MMP28: variants seen among roughly 807,000 people sequenced by gnomAD.
MMP28 encodes the protein matrix metalloproteinase-28.
A neutral mutation model predicts 60.5 loss-of-function variants in MMP28; 55 were observed. The observed-to-expected ratio is 0.91, with a 90% confidence interval of 0.73 to 1.14. The LOEUF is 1.14. Among genes scored for constraint, MMP28 ranks in the 50% most tolerant of loss-of-function variants. The pLI, the probability that MMP28 is intolerant of heterozygous loss-of-function variation, is 0.00. For synonymous variants in MMP28, 318 were observed against 312.5 expected, an observed-to-expected ratio of 1.02 and a Z score of -0.18; for missense variants, 686 against 738.3, an observed-to-expected ratio of 0.93 and a Z score of 0.82.
chr17:35,780,102 CTT>C (rs1169609575), intron 1 of MMP28, among the ~76,000 whole-genome samples: 1 of 151,738 alleles, frequency 6.6e-6, no homozygotes, highest in Admixed American at 6.6e-5. Context: ...GAGTTTTGCT[CTT>C]GTTGCCCAGG....
At chr17:35,756,919 C>T (rs868987960) in intron 2 of MMP28, among the ~76,000 whole-genome samples, 5 of 151,828 alleles carry the variant, frequency 3.3e-5, no homozygotes, top group Non-Finnish European at 7.4e-5. Context: ...AAGACTGGGC[C>T]GGACACAGTG....
chr17:35,763,967 G>T, downstream of MMP28: 4 of 1,394,052 alleles, frequency 2.9e-6, no homozygotes, highest in Non-Finnish European at 3.7e-6. Flanking sequence ...ACCCTTTCTC[G>T]GGGACAGCAG....
chr17:35,768,796 C>T (rs1255974364), intron 5 of MMP28, among the ~76,000 whole-genome samples: 1 of 151,740 alleles, frequency 6.6e-6, no homozygotes, highest in Non-Finnish European at 1.5e-5. Flanking sequence ...GGTGACAGAG[C>T]GAGACTCCGT....
chr17:35,770,172 T>G lies in MMP28; in HGVS notation c.745A>C (p.Thr249Pro), dbSNP rs2143238411. The G allele has an allele frequency of 6.2e-7, 1 of 1,606,512 alleles. No homozygotes were observed. Among genetic ancestry groups the G allele is most frequent in the Non-Finnish European group, 8.5e-7 (1 of 1,178,228 alleles). Residue 249 changes from threonine (T) to proline (P), a missense_variant, in exon 5 of 8, where the codon ACC (threonine) becomes CCC (proline). Thr to Pro is a conservative substitution (Grantham distance 38). Transcript: ENST00000605424. Reference sequence around the variant, plus strand: ...AGCGCGCGCGGCGCGGGCGAGTGGGTGAGGCCAAGCGTGTGACCGATCTCG... The same window carrying G: ...AGCGCGCGCGGCGCGGGCGAGTGGGGGAGGCCAAGCGTGTGACCGATCTCG... ...AHEIGHTLGL[T>P]HSPAPRALMA...
chr17:35,759,187 C>T (rs980768591), intron 2 of MMP28, among the ~76,000 whole-genome samples: 5 of 152,148 alleles, frequency 3.3e-5, no homozygotes, highest in Admixed American at 2.0e-4. Flanking sequence ...TTTAAATCAA[C>T]CAGAGTGTGC....
At chr17:35,758,548 C>G (rs587646018) in intron 2 of MMP28, among the ~76,000 whole-genome samples, 4 of 152,040 alleles carry the variant, frequency 2.6e-5, no homozygotes, top group African/African-American at 9.7e-5. Context: ...AAAAATTAGC[C>G]GGACATGGTG....
intron 1 of MMP28, among the ~76,000 whole-genome samples, chr17:35,794,231 T>A (rs1452734060): frequency 6.6e-6 from 1 of 151,088 alleles, no homozygotes; most frequent in Non-Finnish European, 1.5e-5. Flanking sequence ...GATACTGTTG[T>A]GTTATTACAA....
chr17:35,782,515 G>T (rs2086536265), intron 1 of MMP28, among the ~76,000 whole-genome samples: 1 of 152,174 alleles, frequency 6.6e-6, no homozygotes, highest in Non-Finnish European at 1.5e-5. Flanking sequence ...TTCATTTTCA[G>T]CAACCTCCAC....
At chr17:35,790,786 G>A (rs898203628) in intron 1 of MMP28, among the ~76,000 whole-genome samples, 13 of 152,006 alleles carry the variant, frequency 8.6e-5, no homozygotes, top group African/African-American at 1.2e-4. Flanking sequence ...TCAGGAGTTC[G>A]AAACCAGCCT....
chr17:35,788,760 A>G (rs956473486), intron 1 of MMP28, among the ~76,000 whole-genome samples: 1 of 152,100 alleles, frequency 6.6e-6, no homozygotes, highest in South Asian at 2.1e-4. Flanking sequence ...TAGCTAGACC[A>G]CCCAGTGGAA....
downstream of MMP28, among the ~76,000 whole-genome samples, chr17:35,765,491 C>T (rs1222082519): frequency 1.3e-5 from 2 of 152,206 alleles, no homozygotes; most frequent in Non-Finnish European, 1.5e-5. Flanking sequence ...TATTCTTGGC[C>T]AGACAGCAGG....
chr17:35,774,903 C>T (rs1206874308), intron 3 of MMP28, among the ~76,000 whole-genome samples: 6 of 152,196 alleles, frequency 3.9e-5, no homozygotes, highest in Admixed American at 3.3e-4. Context: ...CTTCAATGGG[C>T]GCTGGGCTCT....
intron 2 of MMP28, among the ~76,000 whole-genome samples, chr17:35,756,841 T>C (rs1403495216): frequency 2.6e-5 from 4 of 152,000 alleles, no homozygotes; most frequent in Non-Finnish European, 4.4e-5. Context: ...GAATAAGTCA[T>C]AGGGCCTGTC....
chr17:35,787,953 G>C (rs1366470515), intron 1 of MMP28, among the ~76,000 whole-genome samples: 2 of 127,848 alleles, frequency 1.6e-5, no homozygotes, highest in East Asian at 5.1e-4. Flanking sequence ...CGCCCTGGCT[G>C]AAATGCAGTG....
At chr17:35,769,247 G>T (rs1003404401) in intron 5 of MMP28, among the ~76,000 whole-genome samples, 5 of 152,208 alleles carry the variant, frequency 3.3e-5, no homozygotes, top group Admixed American at 6.5e-5. Context: ...CATGTCAAGT[G>T]CCTGGCCCAC....
chr17:35,790,105 T>C (rs975093568), intron 1 of MMP28, among the ~76,000 whole-genome samples: 1 of 141,992 alleles, frequency 7.0e-6, no homozygotes, highest in African/African-American at 2.6e-5. Flanking sequence ...CTCGCTCTGT[T>C]GCCCAGGCTG....
In MMP28 at chr17:35,770,310, C is replaced by G; in HGVS notation, c.607G>C (p.Gly203Arg). The G allele has an allele frequency of 6.6e-7, 1 of 1,510,044 alleles. No homozygotes were observed. The highest frequency in any genetic ancestry group is 8.8e-7 in the Non-Finnish European group (1 of 1,137,876). The allele number at this position is 1,510,044 out of a possible 1,614,324, so 93.5% of individuals were successfully genotyped here. A position where few individuals can be genotyped will look rare whatever the true frequency, so the allele number is the denominator to read the frequency against. The change falls in exon 5 of 8, where the codon GGC becomes CGC. Residue 203 changes from glycine (G) to arginine (R), a missense_variant and splice_region_variant. Coordinates refer to ENST00000605424, the MANE Select transcript of MMP28 (RefSeq NM_024302.5). Reference protein sequence around the residue: ...GLGNAFDGPGGALAHAFLPRR... With the variant: ...GLGNAFDGPGRALAHAFLPRR... ...GGCAGGAAGGCGTGCGCCAGGGCGC[C>G]CCCTGCAGGTGGGGCAGAAGGTCAG... is the stretch of plus-strand genomic sequence containing the variant.
intron 1 of MMP28, among the ~76,000 whole-genome samples, chr17:35,780,375 A>G (rs949483576): frequency 3.9e-5 from 6 of 152,128 alleles, no homozygotes; most frequent in African/African-American, 1.4e-4. Context: ...GCCCAAATGT[A>G]GCTATATTAA....
intron 1 of MMP28, among the ~76,000 whole-genome samples, chr17:35,780,868 A>T (rs1555609198): frequency 1.3e-5 from 2 of 152,116 alleles, no homozygotes; most frequent in African/African-American, 4.8e-5. Context: ...AATAAAGGAC[A>T]TAAATTGGTA....
Sources: allele counts gnomAD v4.1 joint callset (sites outside exome capture counted in the v4.1 genomes callset), GRCh38; gene constraint gnomAD v4.1.1; transcripts MANE v1.5; gene names NCBI Gene and HGNC (gene_info 2026-07-23, HGNC 2026-07-21).